Variants in CYTH3 observed in about 807,000 individuals in gnomAD.
The protein encoded by CYTH3 is cytohesin-3.
Under a neutral mutation model 55.1 loss-of-function variants are expected in CYTH3, and 23 were observed. That is an observed-to-expected ratio of 0.42 (90% confidence interval 0.30 to 0.59). CYTH3 has a LOEUF of 0.59. Ranked by LOEUF, CYTH3 falls within the 20% of genes least tolerant of loss-of-function variation. CYTH3 has a pLI of 0.20. For synonymous variants in CYTH3, 249 were observed against 194.9 expected (o/e 1.28, Z -2.31); for missense variants, 413 against 524.8 (o/e 0.79, Z 2.08).
At chr7:6,263,943 T>C (rs757659919) in intron 1 of CYTH3, among the ~76,000 whole-genome samples, 3 of 150,776 alleles carry the variant, frequency 2.0e-5, no homozygotes, top group Non-Finnish European at 4.4e-5. Flanking sequence ...CTCGGCTTTA[T>C]AATCTTTTTA....
intron 1 of CYTH3, among the ~76,000 whole-genome samples, chr7:6,257,676 T>G (rs73675900): frequency 0.014 from 2,066 of 152,336 alleles, 40 homozygotes; most frequent in African/African-American, 0.045. Context: ...AAAGGTGTTT[T>G]TCTCTTCGCA....
At chr7:6,199,524 A>G (rs1353447153) in intron 1 of CYTH3, among the ~76,000 whole-genome samples, 2 of 152,174 alleles carry the variant, frequency 1.3e-5, no homozygotes, top group South Asian at 2.1e-4. Context: ...AAATAACAAA[A>G]TTCTACACCC....
At chr7:6,262,994 T>C (rs1395874641) in intron 1 of CYTH3, among the ~76,000 whole-genome samples, 3 of 152,146 alleles carry the variant, frequency 2.0e-5, no homozygotes, top group Admixed American at 6.6e-5. Context: ...CAATAGTTTT[T>C]TCCCCTGTTC....
intron 4 of CYTH3, among the ~76,000 whole-genome samples, chr7:6,179,985 GC>G (rs1371586690): frequency 6.6e-6 from 1 of 151,320 alleles, no homozygotes; most frequent in African/African-American, 2.4e-5. Flanking sequence ...GCCTAATGCA[GC>G]CCAAGTTCCC....
intron 9 of CYTH3, among the ~76,000 whole-genome samples, chr7:6,168,856 C>T (rs547298548): frequency 3.9e-5 from 6 of 152,318 alleles, no homozygotes; most frequent in East Asian, 3.9e-4. Flanking sequence ...CACTGTCCCT[C>T]GAGGGGACAC....
chr7:6,252,237 TC>T (rs1779989670), intron 1 of CYTH3, among the ~76,000 whole-genome samples: 1 of 152,214 alleles, frequency 6.6e-6, no homozygotes, highest in East Asian at 1.9e-4. Flanking sequence ...CCTTGCTATC[TC>T]TATACCAGCA....
In CYTH3 at chr7:6,163,745, T is replaced by G. The variant is rs1198310302; in HGVS notation, c.*1199A>C. On this transcript the variant is annotated 3_prime_UTR_variant, in exon 13 of 13. Coordinates refer to ENST00000350796, the MANE Select transcript of CYTH3 (RefSeq NM_004227.4). ...TCCCTCCTCGTAGGGAGGGCACCTC[T>G]CTCAGGACACGGCGCACTACATGGG... 1.3e-5 allele frequency: 2 copies of G among 152,236 alleles called. No homozygotes were observed. The highest frequency in any genetic ancestry group is 2.9e-5 in the Non-Finnish European group (2 of 68,048). The allele number at this position is 152,236 out of a possible 1,614,324, so 9.4% of individuals were successfully genotyped here.
At chr7:6,211,468 A>G (rs1432453282) in intron 1 of CYTH3, among the ~76,000 whole-genome samples, 2 of 152,102 alleles carry the variant, frequency 1.3e-5, no homozygotes, top group African/African-American at 4.8e-5. Flanking sequence ...CATTTCAAAA[A>G]CTTTAAAATT....
chr7:6,243,410 A>G (rs1779723160), intron 1 of CYTH3, among the ~76,000 whole-genome samples: 1 of 152,164 alleles, frequency 6.6e-6, no homozygotes, highest in Non-Finnish European at 1.5e-5. Context: ...CATGGGTGGG[A>G]TGGGGCAGGA....
chr7:6,208,818 C>T (rs755602972), intron 1 of CYTH3, among the ~76,000 whole-genome samples: 4 of 152,220 alleles, frequency 2.6e-5, no homozygotes, highest in African/African-American at 9.6e-5. Context: ...TGGGTCACCA[C>T]GCCTGGCCTA....
chr7:6,222,687 C>A (rs1360327680), intron 1 of CYTH3, among the ~76,000 whole-genome samples: 1 of 148,914 alleles, frequency 6.7e-6, no homozygotes, highest in Non-Finnish European at 1.5e-5. Context: ...GCAGAGGTTG[C>A]GGTGAGCTGA....
intron 1 of CYTH3, among the ~76,000 whole-genome samples, chr7:6,223,205 T>G (rs1432194693): frequency 2.0e-5 from 3 of 150,204 alleles, no homozygotes; most frequent in Non-Finnish European, 4.4e-5. Flanking sequence ...ATCTGGGAGG[T>G]GAGGAGCGCC....
intron 1 of CYTH3, among the ~76,000 whole-genome samples, chr7:6,214,654 C>G (rs1389273777): frequency 6.6e-6 from 1 of 152,088 alleles, no homozygotes; most frequent in African/African-American, 2.4e-5. Context: ...ATACTCTCAC[C>G]AAACCATACA....
intron 1 of CYTH3, among the ~76,000 whole-genome samples, chr7:6,245,530 C>A (rs1057382282): frequency 6.6e-6 from 1 of 152,150 alleles, no homozygotes; most frequent in Admixed American, 6.5e-5. Context: ...AGGCTTCTTC[C>A]CTACTTTCAC....
intron 1 of CYTH3, among the ~76,000 whole-genome samples, chr7:6,200,489 C>A (rs79256297): frequency 0.016 from 2,369 of 152,324 alleles, 54 homozygotes; most frequent in African/African-American, 0.054. Flanking sequence ...CTGTGTATTT[C>A]TGGCTACCTA....
intron 1 of CYTH3, among the ~76,000 whole-genome samples, chr7:6,225,359 T>TC (rs1240266330): frequency 6.6e-6 from 1 of 152,100 alleles, no homozygotes; most frequent in Non-Finnish European, 1.5e-5. Context: ...AAAAAATTTT[T>TC]TTTTTTTTTT....
At chr7:6,179,719 CA>C (rs1562881470) in intron 4 of CYTH3, among the ~76,000 whole-genome samples, 39 of 117,896 alleles carry the variant, frequency 3.3e-4, no homozygotes, top group African/African-American at 1.2e-3. Context: ...ACACCCCACA[CA>C]CCACACACAC....
At chr7:6,195,467 T>A (rs1783902183) in intron 1 of CYTH3, among the ~76,000 whole-genome samples, 1 of 152,198 alleles carries the variant, frequency 6.6e-6, no homozygotes, top group African/African-American at 2.4e-5. Context: ...TCTTTTTTAT[T>A]TTTTTGAGAC....
intron 1 of CYTH3, among the ~76,000 whole-genome samples, chr7:6,201,644 T>C (rs898118143): frequency 1.3e-5 from 2 of 152,166 alleles, no homozygotes; most frequent in Non-Finnish European, 2.9e-5. Context: ...AAAACCTGAC[T>C]GTGTAAGATA....
Sources: allele counts gnomAD v4.1 joint callset (sites outside exome capture counted in the v4.1 genomes callset), GRCh38; gene constraint gnomAD v4.1.1; transcripts MANE v1.5; gene names NCBI Gene and HGNC (gene_info 2026-07-23, HGNC 2026-07-21).